PRICKLE2: variants seen among roughly 807,000 people sequenced by gnomAD.
PRICKLE2 encodes prickle-like protein 2.
Under a neutral mutation model 81.4 loss-of-function variants are expected in PRICKLE2, and 21 were observed. The observed-to-expected ratio is 0.26, with a 90% CI of 0.18 to 0.37. PRICKLE2 has a LOEUF of 0.37. PRICKLE2 is among the 10% of genes least tolerant of loss of function. The probability of loss-of-function intolerance (pLI) is 1.00; values close to 1 mark genes in which losing one functional copy is unlikely to be tolerated. For synonymous variants in PRICKLE2, 456 were observed against 421.5 expected, an observed-to-expected ratio of 1.08 and a Z score of -1.00; for missense variants, 940 against 1,109.0, an observed-to-expected ratio of 0.85 and a Z score of 2.16.
intron 2 of PRICKLE2, among the ~76,000 whole-genome samples, chr3:64,234,372 C>T (rs1435125541): frequency 2.0e-5 from 3 of 152,012 alleles, no homozygotes; most frequent in African/African-American, 7.2e-5. Flanking sequence ...TGAAGTAATA[C>T]CTCATAGTGG....
intron 2 of PRICKLE2, among the ~76,000 whole-genome samples, chr3:64,178,735 C>T (rs985626706): frequency 2.0e-5 from 3 of 152,204 alleles, no homozygotes; most frequent in African/African-American, 7.2e-5. Flanking sequence ...GAATACTAAA[C>T]ATTCCTCCTA....
chr3:64,218,539 G>A (rs1360677304), intron 1 of PRICKLE2, among the ~76,000 whole-genome samples: 1 of 152,208 alleles, frequency 6.6e-6, no homozygotes, highest in Non-Finnish European at 1.5e-5. Context: ...ACTGCAGAAT[G>A]CAGATGGTAA....
At chr3:64,230,657 A>G (rs1420523094) in intron 2 of PRICKLE2, among the ~76,000 whole-genome samples, 1 of 151,954 alleles carries the variant, frequency 6.6e-6, no homozygotes, top group African/African-American at 2.4e-5. Flanking sequence ...AAACTCCAAC[A>G]AAAAAGACCT....
chr3:64,153,967 TC>T (rs2077586415), intron 5 of PRICKLE2: 1 of 154,364 alleles, frequency 6.5e-6, no homozygotes, highest in Non-Finnish European at 1.4e-5. Flanking sequence ...GTTTGCATTT[TC>T]CCCCAATATA....
chr3:64,125,152 G>A (rs1255734944), intron 7 of PRICKLE2, among the ~76,000 whole-genome samples: 1 of 152,188 alleles, frequency 6.6e-6, no homozygotes, highest in Non-Finnish European at 1.5e-5. Flanking sequence ...GAAATAGCAA[G>A]AAAACTAGAA....
intron 1 of PRICKLE2, among the ~76,000 whole-genome samples, chr3:64,203,000 C>G (rs1449594579): frequency 2.0e-5 from 3 of 152,164 alleles, no homozygotes; most frequent in African/African-American, 4.8e-5. Flanking sequence ...AATGCATTTT[C>G]TGCATCTATC....
rs1167258951 is a variant in PRICKLE2, at chr3:64,095,665, C to G, written c.*3386G>C. ...AAGAAAACATAATCTTGTTATAGTG[C>G]AGGAACATCCTACAGGAAATGAGGA... On this transcript the variant is annotated 3_prime_UTR_variant, in exon 8 of 8. Transcript: ENST00000638394. 1 of 152,180 alleles carries G rather than the reference C, an allele frequency of 6.6e-6. No individual in the cohort carries two copies. The highest frequency in any genetic ancestry group is 6.5e-5 in the Admixed American group (1 of 15,274). The allele number at this position is 152,180 out of a possible 1,614,324, so 9.4% of individuals were successfully genotyped here.
At chr3:64,253,636 G>A (rs1174384739) in intron 2 of PRICKLE2, among the ~76,000 whole-genome samples, 7 of 152,162 alleles carry the variant, frequency 4.6e-5, no homozygotes. Context: ...TTATTTGGAA[G>A]GCAACCATGA....
intron 2 of PRICKLE2, among the ~76,000 whole-genome samples, chr3:64,195,932 T>C (rs73832124): frequency 0.068 from 10,348 of 152,230 alleles, 629 homozygotes; most frequent in African/African-American, 0.17. Flanking sequence ...GGGAAAACCA[T>C]CCAAAGAACA....
intron 7 of PRICKLE2, among the ~76,000 whole-genome samples, chr3:64,130,482 T>G (rs1262055275): frequency 2.6e-5 from 4 of 152,172 alleles, no homozygotes; most frequent in African/African-American, 4.8e-5. Flanking sequence ...CTCTGCAATT[T>G]CTAGGAGTTT....
intron 1 of PRICKLE2, among the ~76,000 whole-genome samples, chr3:64,201,216 A>C (rs1401868751): frequency 1.3e-5 from 2 of 152,314 alleles, no homozygotes; most frequent in African/African-American, 4.8e-5. Flanking sequence ...GGCATGAGCC[A>C]CCACGCCTGG....
chr3:64,221,647 T>C (rs1370698832), intron 1 of PRICKLE2, among the ~76,000 whole-genome samples: 1 of 152,054 alleles, frequency 6.6e-6, no homozygotes, highest in Admixed American at 6.6e-5. Flanking sequence ...AGCACCACAG[T>C]CATGGAGGGA....
At chr3:64,243,631 A>G (rs915227296) in intron 2 of PRICKLE2, among the ~76,000 whole-genome samples, 1 of 152,236 alleles carries the variant, frequency 6.6e-6, no homozygotes, top group Non-Finnish European at 1.5e-5. Context: ...AAATGGGGAC[A>G]GATAATAGTA....
intron 7 of PRICKLE2, among the ~76,000 whole-genome samples, chr3:64,138,393 T>A (rs920533829): frequency 6.6e-6 from 1 of 152,234 alleles, no homozygotes; most frequent in Non-Finnish European, 1.5e-5. Flanking sequence ...CTGGTACTTT[T>A]GGTGACACTA....
At chr3:64,259,854 A>T (rs1232800472) in intron 2 of PRICKLE2, among the ~76,000 whole-genome samples, 1 of 152,138 alleles carries the variant, frequency 6.6e-6, no homozygotes, top group Non-Finnish European at 1.5e-5. Flanking sequence ...GACAGCCAAC[A>T]CCCTGACTTT....
chr3:64,236,209 T>A (rs2079177802), intron 2 of PRICKLE2, among the ~76,000 whole-genome samples: 1 of 152,182 alleles, frequency 6.6e-6, no homozygotes. Flanking sequence ...CATACTTAGA[T>A]CATGATATGT....
chr3:64,232,149 G>A (rs2079113903), intron 2 of PRICKLE2, among the ~76,000 whole-genome samples: 1 of 152,150 alleles, frequency 6.6e-6, no homozygotes, highest in Non-Finnish European at 1.5e-5. Context: ...CTGGTTCACA[G>A]TTCTACATCC....
At chr3:64,145,492 C>G (rs1248617380) in intron 7 of PRICKLE2, 1 of 151,788 alleles carries the variant, frequency 6.6e-6, no homozygotes, top group East Asian at 1.9e-4. Flanking sequence ...TCCCAAAGTG[C>G]TGGAATTACA....
chr3:64,118,202 G>C lies in PRICKLE2; in HGVS notation c.1661-18277C>G, dbSNP rs1401163948. Among the ~76,000 whole-genome samples, 5 of 152,026 alleles carry C rather than the reference G, an allele frequency of 3.3e-5. 1 individual carries two copies. The highest frequency in any genetic ancestry group is 2.6e-4 in the Admixed American group (4 of 15,256). On this transcript the variant is annotated intron_variant, in intron 7 of 7. Coordinates refer to ENST00000638394, the MANE Select transcript of PRICKLE2 (RefSeq NM_198859.4). ...CCTTACACAAAAATTAACTCAAGAT[G>C]GATTAAAGACTTAACTGTAAAAACC...
Sources: allele counts gnomAD v4.1 joint callset (sites outside exome capture counted in the v4.1 genomes callset), GRCh38; gene constraint gnomAD v4.1.1; transcripts MANE v1.5; gene names NCBI Gene and HGNC (gene_info 2026-07-23, HGNC 2026-07-21).